The following PLCL1 variants were observed in gnomAD, a reference collection of about 807,000 sequenced individuals.
PLCL1 encodes inactive phospholipase C-like protein 1.
PLCL1 carries 41 observed loss-of-function variants against 84.4 expected under a neutral mutation model. That is an observed-to-expected ratio of 0.49 (90% confidence interval 0.38 to 0.63). The LOEUF is 0.63. Ranked by LOEUF, PLCL1 falls within the 30% of genes least tolerant of loss-of-function variation. PLCL1 has a pLI of 0.00. For synonymous variants in PLCL1, 490 were observed against 488.3 expected (o/e 1.00, Z -0.05); for missense variants, 1,206 against 1,367.8 (o/e 0.88, Z 1.87).
intron 1 of PLCL1, among the ~76,000 whole-genome samples, chr2:198,073,395 G>A (rs1278675531): frequency 2.0e-5 from 3 of 152,134 alleles, no homozygotes; most frequent in African/African-American, 2.4e-5. Flanking sequence ...CTGATGTTCA[G>A]TTAATCAGAG....
At chr2:197,841,035 G>A (rs1262474075) in intron 1 of PLCL1, among the ~76,000 whole-genome samples, 1 of 152,092 alleles carries the variant, frequency 6.6e-6, no homozygotes, top group Non-Finnish European at 1.5e-5. Context: ...ACTTTTTAGA[G>A]AAGTTTTAGA....
At chr2:197,998,725 C>G (rs1485014353) in intron 1 of PLCL1, among the ~76,000 whole-genome samples, 1 of 152,176 alleles carries the variant, frequency 6.6e-6, no homozygotes, top group Non-Finnish European at 1.5e-5. Flanking sequence ...TGCCTCAACT[C>G]TCCACAGTTA....
Position 197,918,971 on chromosome 2 carries a change from T to TCTCTCTCTCACA in PLCL1, c.240+113633_240+113634insTCTCTCTCACAC, listed in dbSNP as rs373512508. Among the ~76,000 whole-genome samples the TCTCTCTCTCACA allele has an allele frequency of 2.0e-3, 288 of 144,646 alleles. 1 individual carries two copies. Among genetic ancestry groups the TCTCTCTCTCACA allele is most frequent in the South Asian group, 4.9e-3 (22 of 4,488 alleles). The allele number at this position is 144,646 out of a possible 152,430, so 94.9% of individuals were successfully genotyped here. On this transcript the variant is annotated intron_variant, in intron 1 of 5. Transcript: ENST00000428675. Reference sequence around the variant, plus strand: ...CTCTCTCTCTCTCTCTCTCTCTCCCTCACACACACACATACACACACAAAG... The same window carrying TCTCTCTCTCACA: ...CTCTCTCTCTCTCTCTCTCTCTCCCTCTCTCTCTCACACACACACACACATACACACACAAAG...
chr2:197,868,506 C>A (rs143741736), intron 1 of PLCL1, among the ~76,000 whole-genome samples: 1 of 151,970 alleles, frequency 6.6e-6, no homozygotes, highest in Non-Finnish European at 1.5e-5. Flanking sequence ...AAAAATTTTA[C>A]ACTTTTTTTT....
intron 1 of PLCL1, among the ~76,000 whole-genome samples, chr2:198,073,173 C>G (rs1231516800): frequency 6.6e-6 from 1 of 152,138 alleles, no homozygotes; most frequent in Non-Finnish European, 1.5e-5. Flanking sequence ...TATTTATGGA[C>G]TTTGAGTTTT....
At chr2:197,815,902 G>T (rs1459238544) in intron 1 of PLCL1, among the ~76,000 whole-genome samples, 1 of 152,110 alleles carries the variant, frequency 6.6e-6, no homozygotes, top group Non-Finnish European at 1.5e-5. Context: ...TATGAGCAAA[G>T]AAATTGGTTT....
chr2:198,038,844 CAAAAAA>C (rs11299150), intron 1 of PLCL1, among the ~76,000 whole-genome samples: 2 of 120,422 alleles, frequency 1.7e-5, no homozygotes, highest in African/African-American at 6.2e-5. Context: ...CATTAAAGGT[CAAAAAA>C]AAAAAAAAAA....
In PLCL1 at chr2:197,805,247, G is replaced by C; in HGVS notation, c.148G>C (p.Ala50Pro). The C allele has an allele frequency of 5.5e-6, 7 of 1,268,590 alleles. No individual in the cohort carries two copies. Among genetic ancestry groups the C allele is most frequent in the Non-Finnish European group, 6.9e-6 (7 of 1,008,752 alleles). 78.6% of individuals were successfully genotyped at this position (1,268,590 alleles called of 1,614,324 possible). ...GRMRDRRSGVALPGAAGTPAD... is the reference protein window; with the variant it reads ...GRMRDRRSGVPLPGAAGTPAD... ...GATGAGGGACCGTCGCAGCGGGGTC[G>C]CACTGCCAGGCGCCGCGGGGACCCC... Residue 50 changes from alanine (A) to proline (P), a missense_variant, in exon 1 of 6, where the codon GCA (alanine) becomes CCA (proline). Physicochemically the swap from Ala to Pro is conservative, Grantham distance 27. Transcript: ENST00000428675. The surrounding 1 kb of genome is among the most constrained non-coding windows in gnomAD (Gnocchi z 4.0).
intron 5 of PLCL1, among the ~76,000 whole-genome samples, chr2:198,132,671 C>T (rs1694147588): frequency 6.6e-6 from 1 of 152,048 alleles, no homozygotes; most frequent in African/African-American, 2.4e-5. Context: ...GAATTTTTTC[C>T]AGGCATATAT....
intron 4 of PLCL1, among the ~76,000 whole-genome samples, chr2:198,102,777 T>C (rs1351734609): frequency 2.0e-5 from 3 of 152,238 alleles, no homozygotes; most frequent in East Asian, 1.9e-4. Flanking sequence ...TTAGACCTTT[T>C]TGGTCTGTGT....
chr2:198,081,098 C>T lies in PLCL1; in HGVS notation c.241-2660C>T, dbSNP rs146363116. Among the ~76,000 whole-genome samples, 77 of 152,236 alleles carry T rather than the reference C, an allele frequency of 5.1e-4. 1 individual carries two copies. The East Asian group carries it at 0.01, about 21-fold the overall frequency. ...TAGCAGGGCGATAGACTGTGGAGAA[C>T]GCTAGCATAATATCATACTTGGGGT... On this transcript the variant is annotated intron_variant, in intron 1 of 5. Transcript: ENST00000428675.
chr2:197,835,594 T>C (rs1261967693), intron 1 of PLCL1, among the ~76,000 whole-genome samples: 4 of 152,200 alleles, frequency 2.6e-5, no homozygotes, highest in South Asian at 2.1e-4. Context: ...AGGAAAAATT[T>C]TGGACTGGAG....
At chr2:198,074,597 C>T (rs535487542) in intron 1 of PLCL1, among the ~76,000 whole-genome samples, 35 of 152,252 alleles carry the variant, frequency 2.3e-4, no homozygotes, top group Non-Finnish European at 4.3e-4. Context: ...CGAGATCGAG[C>T]CACTGCACTC....
At chr2:197,997,312 G>T (rs2105817520) in intron 1 of PLCL1, among the ~76,000 whole-genome samples, 1 of 152,348 alleles carries the variant, frequency 6.6e-6, no homozygotes, top group East Asian at 1.9e-4. Context: ...TATCCTAAAT[G>T]CAATAACTCC....
intron 1 of PLCL1, among the ~76,000 whole-genome samples, chr2:197,828,843 T>C (rs1020336966): frequency 6.6e-6 from 1 of 152,198 alleles, no homozygotes; most frequent in Non-Finnish European, 1.5e-5. Context: ...ATTCCATAAA[T>C]GGTTACCACT....
At chr2:197,845,629 A>G (rs1233368054) in intron 1 of PLCL1, among the ~76,000 whole-genome samples, 2 of 152,092 alleles carry the variant, frequency 1.3e-5, no homozygotes, top group Non-Finnish European at 2.9e-5. Flanking sequence ...CCTCCTTTAG[A>G]TAAACATATA....
chr2:197,847,640 G>T (rs180904438), intron 1 of PLCL1, among the ~76,000 whole-genome samples: 144 of 152,276 alleles, frequency 9.5e-4, no homozygotes, highest in African/African-American at 3.3e-3. Flanking sequence ...AAATTTGGAG[G>T]AACTGGAATT....
At chr2:198,101,145 C>T (rs1693321491) in intron 3 of PLCL1, 140 bp from the exon 4 acceptor site, 1 of 654,220 alleles carries the variant, frequency 1.5e-6, no homozygotes, top group Non-Finnish European at 2.7e-6. Context: ...AGAGCTTATC[C>T]TTCTCCCTCC....
At chr2:198,089,476 T>G (rs1373860259) in intron 3 of PLCL1, among the ~76,000 whole-genome samples, 1 of 152,198 alleles carries the variant, frequency 6.6e-6, no homozygotes, top group Non-Finnish European at 1.5e-5. Context: ...ATTCCTAGAA[T>G]GTACCCCTTA....
Sources: gnomAD v4.1 joint callset for allele counts (sites outside exome capture counted in the v4.1 genomes callset) on GRCh38, gnomAD v4.1.1 for gene constraint, Gnocchi (gnomAD v3.1) non-coding constraint, MANE v1.5 for transcripts, NCBI Gene and HGNC (gene_info 2026-07-23, HGNC 2026-07-21) for gene names.